ALK: variants seen among roughly 807,000 people sequenced by gnomAD.
ALK encodes the protein ALK tyrosine kinase receptor.
ALK carries 74 observed loss-of-function variants against 163.1 expected under a neutral mutation model. The observed-to-expected ratio is 0.45, with a 90% CI of 0.38 to 0.55. The LOEUF (loss-of-function observed/expected upper bound fraction) is 0.55. Ranked by LOEUF, ALK falls within the 20% of genes least tolerant of loss-of-function variation. The probability of loss-of-function intolerance (pLI) is 0.00; values close to 1 mark genes in which losing one functional copy is unlikely to be tolerated. For synonymous variants in ALK, 960 were observed against 843.2 expected, an observed-to-expected ratio of 1.14 and a Z score of -2.40; for missense variants, 2,063 against 2,105.3, an observed-to-expected ratio of 0.98 and a Z score of 0.39.
intron 3 of ALK, among the ~76,000 whole-genome samples, chr2:29,588,595 C>T (rs1025775874): frequency 6.6e-6 from 1 of 152,166 alleles, no homozygotes; most frequent in Non-Finnish European, 1.5e-5. Flanking sequence ...GAGTCACATG[C>T]TATCCCAGAG....
At chr2:29,669,308 T>C (rs1010374854) in intron 3 of ALK, among the ~76,000 whole-genome samples, 1 of 152,110 alleles carries the variant, frequency 6.6e-6, no homozygotes, top group Non-Finnish European at 1.5e-5. Context: ...TTTATAATTG[T>C]TATATCCTCT....
chr2:29,233,496 G>C lies in ALK; in HGVS notation c.2487+69C>G, dbSNP rs948618498. 6 of 1,606,996 alleles carry C rather than the reference G, an allele frequency of 3.7e-6. No homozygotes were observed. In the Admixed American group the frequency reaches 1.0e-4, roughly 27 times the overall value. The stretch of plus-strand genomic sequence containing the variant: ...AGCATCTGAGGTGTTTCTATCCCAG[G>C]GCTGTCATGAGGCTCTGACATTGCA... On this transcript the variant is annotated intron_variant, in intron 14 of 28. Transcript: ENST00000389048.
intron 3 of ALK, among the ~76,000 whole-genome samples, chr2:29,645,069 T>C (rs1676832623): frequency 6.6e-6 from 1 of 152,146 alleles, no homozygotes; most frequent in African/African-American, 2.4e-5. Context: ...GGTCCAATCC[T>C]TGAGCCTAGT....
chr2:29,685,598 C>T (rs1302063566), intron 3 of ALK, among the ~76,000 whole-genome samples: 2 of 151,866 alleles, frequency 1.3e-5, no homozygotes, highest in African/African-American at 4.8e-5. Flanking sequence ...GTCCTCTGAG[C>T]CTTGTTCCTT....
chr2:29,862,006 A>C lies in ALK; in HGVS notation c.667+57987T>G, dbSNP rs571272462. ...ATCAATCAATATGATACACCACATTAAAAGAATAAAGGACAAAAATCATAC... is the reference window on the plus strand; with the variant it reads ...ATCAATCAATATGATACACCACATTCAAAGAATAAAGGACAAAAATCATAC... On this transcript the variant is annotated intron_variant, in intron 1 of 28. Coordinates refer to ENST00000389048, the MANE Select transcript of ALK (RefSeq NM_004304.5). 5.3e-5 allele frequency among the ~76,000 whole-genome samples: 8 copies of C among 152,352 alleles called. No homozygotes were observed. The South Asian group carries it at 1.7e-3, about 32-fold the overall frequency.
intron 3 of ALK, among the ~76,000 whole-genome samples, chr2:29,557,262 A>T (rs1024081633): frequency 9.9e-5 from 15 of 152,238 alleles, no homozygotes; most frequent in African/African-American, 3.1e-4. Context: ...AGCCTGGAGC[A>T]GATAATCAAG....
chr2:29,459,268 T>C (rs969618538), intron 4 of ALK, among the ~76,000 whole-genome samples: 4 of 152,156 alleles, frequency 2.6e-5, no homozygotes, highest in South Asian at 2.1e-4. Context: ...TCTCATTTCA[T>C]TGGTGCTTTT....
At chr2:29,886,722 C>T (rs1666995539) in intron 1 of ALK, among the ~76,000 whole-genome samples, 1 of 152,218 alleles carries the variant, frequency 6.6e-6, no homozygotes, top group South Asian at 2.1e-4. Context: ...AGTTATATCA[C>T]CCCTTTTGGC....
chr2:29,648,006 G>A (rs1248498675), intron 3 of ALK, among the ~76,000 whole-genome samples: 1 of 152,038 alleles, frequency 6.6e-6, no homozygotes, highest in Admixed American at 6.6e-5. Flanking sequence ...ATCTGTAAGT[G>A]TGCTCCACAC....
At chr2:29,302,690 C>G (rs1433224218) in intron 8 of ALK, among the ~76,000 whole-genome samples, 1 of 152,182 alleles carries the variant, frequency 6.6e-6, no homozygotes, top group Non-Finnish European at 1.5e-5. Flanking sequence ...AGATTGCAAA[C>G]TGGCAGTCAG....
chr2:29,818,429 A>C (rs1664955207), intron 1 of ALK, among the ~76,000 whole-genome samples: 1 of 152,226 alleles, frequency 6.6e-6, no homozygotes, highest in African/African-American at 2.4e-5. Context: ...ATGAAAACAA[A>C]AAGTGTTATG....
In ALK at chr2:29,382,429, G is replaced by T. The variant is rs6706624; in HGVS notation, c.1282+1303C>A. ...GAGATCCTTGATTTTAACATGCAAA[G>T]AATTTTTTTCAGGTCAAGAAATTTT... is the stretch of plus-strand genomic sequence containing the variant. On this transcript the variant is annotated intron_variant, in intron 5 of 28. Transcript: ENST00000389048. 2.7e-3 allele frequency among the ~76,000 whole-genome samples: 416 copies of T among 152,302 alleles called. 2 individuals are homozygous for T. The highest frequency in any genetic ancestry group is 9.4e-3 in the African/African-American group (389 of 41,558).
At chr2:29,822,202 C>G (rs1036532343) in intron 1 of ALK, among the ~76,000 whole-genome samples, 1 of 152,172 alleles carries the variant, frequency 6.6e-6, no homozygotes, top group Non-Finnish European at 1.5e-5. Flanking sequence ...GCGAATAATC[C>G]AAGGCCTCAT....
chr2:29,732,984 A>T (rs757492314), intron 1 of ALK, among the ~76,000 whole-genome samples: 1 of 151,928 alleles, frequency 6.6e-6, no homozygotes, highest in Non-Finnish European at 1.5e-5. Flanking sequence ...TCATGAATTG[A>T]TATAAGTGGA....
chr2:29,517,943 A>G (rs1672715118), intron 4 of ALK, among the ~76,000 whole-genome samples: 1 of 152,112 alleles, frequency 6.6e-6, no homozygotes, highest in South Asian at 2.1e-4. Context: ...TCACTCTGAG[A>G]CCACCAAGTC....
At chr2:29,479,769 C>T (rs1415335952) in intron 4 of ALK, among the ~76,000 whole-genome samples, 1 of 152,138 alleles carries the variant, frequency 6.6e-6, no homozygotes, top group Non-Finnish European at 1.5e-5. Flanking sequence ...ACCACCGCCC[C>T]CAGATGAGTG....
intron 4 of ALK, among the ~76,000 whole-genome samples, chr2:29,490,197 G>C (rs143622997): frequency 6.6e-6 from 1 of 152,366 alleles, no homozygotes; most frequent in South Asian, 2.1e-4. Context: ...GCTGGAGCTA[G>C]AGATAGGGAA....
chr2:29,881,608 A>C (rs1666868660), intron 1 of ALK, among the ~76,000 whole-genome samples: 1 of 152,124 alleles, frequency 6.6e-6, no homozygotes, highest in Admixed American at 6.5e-5. Context: ...GTGGGCTTTA[A>C]ACTCTTTACA....
At chr2:29,414,534 GTTAT>G (rs1448583995) in intron 4 of ALK, among the ~76,000 whole-genome samples, 1 of 152,160 alleles carries the variant, frequency 6.6e-6, no homozygotes, top group Admixed American at 6.5e-5. Flanking sequence ...AGATGGTTGT[GTTAT>G]TTGGAAATAA....
Sources: allele counts gnomAD v4.1 joint callset (sites outside exome capture counted in the v4.1 genomes callset), GRCh38; gene constraint gnomAD v4.1.1; transcripts MANE v1.5; gene names NCBI Gene and HGNC (gene_info 2026-07-23, HGNC 2026-07-21).